Variants in BCAS1 observed in about 807,000 individuals in gnomAD.
BCAS1 encodes breast carcinoma-amplified sequence 1.
In BCAS1, 46 loss-of-function variants were observed where a neutral mutation model predicts 65.4. The observed-to-expected ratio is 0.70, with a 90% CI of 0.55 to 0.90. The LOEUF is 0.90. Ranked by LOEUF, BCAS1 falls within the 40% of genes least tolerant of loss-of-function variation. The pLI, the probability that BCAS1 is intolerant of heterozygous loss-of-function variation, is 0.00. For synonymous variants in BCAS1, 298 were observed against 293.5 expected (o/e 1.02, Z -0.16); for missense variants, 793 against 771.2 (o/e 1.03, Z -0.33).
chr20:53,949,871 C>G (rs543747040), intron 12 of BCAS1, among the ~76,000 whole-genome samples: 15 of 152,198 alleles, frequency 9.9e-5, no homozygotes, highest in African/African-American at 3.6e-4. Flanking sequence ...GAGTGTGGTC[C>G]CAGAGGAGGG....
intron 7 of BCAS1, 133 bp downstream of exon 7, chr20:53,992,379 T>TA (rs1387518299): frequency 1.5e-6 from 1 of 668,574 alleles, no homozygotes; most frequent in Non-Finnish European, 2.2e-6. Flanking sequence ...ATATCATCTT[T>TA]AATTCTCTTT....
chr20:54,058,287 T>G, intron 2 of BCAS1, 133 bp from the exon 3 acceptor site: 3 of 823,620 alleles, frequency 3.6e-6, no homozygotes, highest in Non-Finnish European at 5.9e-6. Context: ...TTCTAGAAAC[T>G]CCCCAGTTTT....
chr20:54,058,740 G>T lies in BCAS1; in HGVS notation c.-5-17C>A. The T allele has an allele frequency of 6.2e-7, 1 of 1,606,052 alleles. No homozygotes were observed. On this transcript the variant is annotated splice_polypyrimidine_tract_variant and intron_variant, in intron 1 of 12. Coordinates refer to ENST00000688948, the MANE Select transcript of BCAS1 (RefSeq NM_001366298.2). Reference sequence around the variant, plus strand: ...CCATTGCTCCTATAATGGAGAGAAAGAGAGGAAGAGAGAAAGAAATCAAAA... The same window carrying T: ...CCATTGCTCCTATAATGGAGAGAAATAGAGGAAGAGAGAAAGAAATCAAAA...
chr20:53,977,090 G>A (rs985690058), intron 8 of BCAS1, among the ~76,000 whole-genome samples: 1 of 152,188 alleles, frequency 6.6e-6, no homozygotes, highest in Non-Finnish European at 1.5e-5. Flanking sequence ...CATGGTGGCA[G>A]GCAAGAGAGA....
At chr20:54,058,258 C>T in intron 2 of BCAS1, 104 bp from the exon 3 acceptor site, 4 of 1,067,394 alleles carry the variant, frequency 3.7e-6, no homozygotes, top group Middle Eastern at 2.0e-4. Context: ...AAAAATTAAA[C>T]TTAACTTAAA....
chr20:53,945,848 T>C (rs2089297183), intron 12 of BCAS1, among the ~76,000 whole-genome samples: 1 of 152,186 alleles, frequency 6.6e-6, no homozygotes, highest in Non-Finnish European at 1.5e-5. Context: ...CTATGTTCAC[T>C]GTAGCCTTGA....
chr20:53,974,070 C>G (rs1184871197), intron 9 of BCAS1, among the ~76,000 whole-genome samples: 1 of 152,142 alleles, frequency 6.6e-6, no homozygotes, highest in Admixed American at 6.5e-5. Context: ...TAAAAACACA[C>G]CAATCAGTGC....
chr20:53,951,097 T>C (rs1427535417), intron 12 of BCAS1, among the ~76,000 whole-genome samples: 1 of 152,238 alleles, frequency 6.6e-6, no homozygotes, highest in Admixed American at 6.5e-5. Context: ...CTGGCTTCTA[T>C]TAAAATAATT....
intron 6 of BCAS1, among the ~76,000 whole-genome samples, chr20:53,993,419 A>C (rs1367576817): frequency 6.6e-6 from 1 of 152,222 alleles, no homozygotes; most frequent in Admixed American, 6.5e-5. Context: ...GTTTGTAGAA[A>C]ACACATCTGT....
intron 3 of BCAS1, among the ~76,000 whole-genome samples, chr20:54,051,721 T>TTTG (rs1555881093): frequency 3.6e-4 from 49 of 138,000 alleles, no homozygotes; most frequent in African/African-American, 9.8e-4. Flanking sequence ...CTGGTTTTTT[T>TTTG]TTTGTTTGTT....
At chr20:53,955,805 T>C (rs1391834649) in intron 11 of BCAS1, among the ~76,000 whole-genome samples, 3 of 111,974 alleles carry the variant, frequency 2.7e-5, no homozygotes, top group South Asian at 3.5e-4. Context: ...TCTAGCTTAT[T>C]TGGATTTGTA....
At chr20:54,040,133 C>T (rs2091964788) in intron 3 of BCAS1, among the ~76,000 whole-genome samples, 1 of 151,428 alleles carries the variant, frequency 6.6e-6, no homozygotes. Flanking sequence ...GTGGAATAAA[C>T]TTTCGTGTTC....
chr20:54,043,216 C>A (rs1022070094), intron 3 of BCAS1, among the ~76,000 whole-genome samples: 1 of 152,116 alleles, frequency 6.6e-6, no homozygotes, highest in African/African-American at 2.4e-5. Context: ...GGGCAGGATG[C>A]CTGGAGAGCC....
At chr20:54,045,359 T>TA (rs1012185527) in intron 3 of BCAS1, among the ~76,000 whole-genome samples, 2 of 152,052 alleles carry the variant, frequency 1.3e-5, no homozygotes, top group South Asian at 4.1e-4. Flanking sequence ...ATTGTAGCTT[T>TA]AAAAAAAATG....
intron 4 of BCAS1, among the ~76,000 whole-genome samples, chr20:53,999,092 T>A (rs1234284409): frequency 6.6e-6 from 1 of 152,198 alleles, no homozygotes; most frequent in East Asian, 1.9e-4. Flanking sequence ...ACTTATATAG[T>A]GTGTGCAGTA....
rs985025097 is a variant in BCAS1 at position 53,985,460 on chromosome 20, A to G, written c.1102T>C (p.Ser368Pro). 1 of 1,613,968 alleles carries G rather than the reference A, an allele frequency of 6.2e-7. No individual in the cohort carries two copies. The highest frequency in any genetic ancestry group is 8.5e-7 in the Non-Finnish European group (1 of 1,179,950). The change falls in exon 8 of 13, where the codon TCA becomes CCA. Residue 368 changes from serine (S) to proline (P), a missense_variant. By Grantham distance (74) the Ser-to-Pro change is moderately conservative. Transcript: ENST00000688948. ...TGGGATGTAAAGTTGGCTTTGTCTG[A>G]CTTAAGGTCAGCTGAAGTGGTGGGT... ...KSPTTSADLK[S>P]DKANFTSQET... is the part of the protein sequence containing the mutation.
intron 9 of BCAS1, among the ~76,000 whole-genome samples, chr20:53,974,839 C>T (rs1419163543): frequency 6.6e-6 from 1 of 152,176 alleles, no homozygotes; most frequent in Non-Finnish European, 1.5e-5. Flanking sequence ...TTGACAATTC[C>T]TCTAGAAGAT....
chr20:54,009,857 A>G (rs138147230), intron 4 of BCAS1, among the ~76,000 whole-genome samples: 383 of 152,342 alleles, frequency 2.5e-3, no homozygotes, highest in Non-Finnish European at 4.3e-3. Flanking sequence ...GATTTCAGCA[A>G]TATGTCAAAA....
chr20:54,045,210 CAAA>C (rs11086447), intron 3 of BCAS1, among the ~76,000 whole-genome samples: 13 of 136,118 alleles, frequency 9.6e-5, no homozygotes, highest in African/African-American at 3.2e-4. Flanking sequence ...GACCTCATCT[CAAA>C]AAAAAAAAAA....
Sources: gnomAD v4.1 joint callset for allele counts (sites outside exome capture counted in the v4.1 genomes callset) on GRCh38, gnomAD v4.1.1 for gene constraint, MANE v1.5 for transcripts, NCBI Gene and HGNC (gene_info 2026-07-23, HGNC 2026-07-21) for gene names.